GAL: variants seen among roughly 807,000 people sequenced by gnomAD.
GAL encodes the protein galanin and GMAP prepropeptide.
GAL carries 14 observed loss-of-function variants against 15.8 expected under a neutral mutation model. The observed-to-expected ratio is 0.89, with a 90% CI of 0.59 to 1.39. The LOEUF is 1.39. Among genes scored for constraint, GAL ranks in the 40% most tolerant of loss-of-function variants. The pLI, the probability that GAL is intolerant of heterozygous loss-of-function variation, is 0.00. For missense variants in GAL, 176 were observed against 170.4 expected, an observed-to-expected ratio of 1.03 and a Z score of -0.18; for synonymous variants, 79 against 73.8, an observed-to-expected ratio of 1.07 and a Z score of -0.36.
chr11:68,688,989 T>A, intron 5 of GAL, 63 bp downstream of exon 5: 1 of 806,390 alleles, frequency 1.2e-6, no homozygotes. Context: ...AAAAGGCCCA[T>A]CGAGAAGAGA....
chr11:68,687,479 C>T (rs745635855), intron 3 of GAL, among the ~76,000 whole-genome samples: 32 of 152,162 alleles, frequency 2.1e-4, no homozygotes, highest in Admixed American at 4.6e-4. Context: ...CTGTCTCCCT[C>T]TGTGACCCTC....
intron 2 of GAL, 89 bp downstream of exon 2, chr11:68,685,093 T>G: frequency 1.2e-6 from 1 of 855,782 alleles, no homozygotes; most frequent in Non-Finnish European, 1.9e-6. Context: ...GCCTCCGCCC[T>G]GCCCGCGGGG....
At chr11:68,688,232 G>A in intron 4 of GAL, 132 bp downstream of exon 4, 2 of 654,364 alleles carry the variant, frequency 3.1e-6, no homozygotes, top group East Asian at 5.3e-5. Context: ...TGACTAAGAC[G>A]ATGTGGCCTC....
intron 5 of GAL, among the ~76,000 whole-genome samples, chr11:68,690,274 T>C (rs1945893065): frequency 6.6e-6 from 1 of 152,218 alleles, no homozygotes; most frequent in South Asian, 2.1e-4. Context: ...CGTTAGCCTC[T>C]CCAGTGGAGA....
chr11:68,688,396 A>T (rs572078606), intron 4 of GAL, among the ~76,000 whole-genome samples: 2 of 152,356 alleles, frequency 1.3e-5, no homozygotes, highest in African/African-American at 4.8e-5. Flanking sequence ...TGGGAGGCTG[A>T]TGCGGGTGGA....
chr11:68,690,630 G>A (rs1443276789), intron 5 of GAL, among the ~76,000 whole-genome samples: 1 of 152,154 alleles, frequency 6.6e-6, no homozygotes, highest in Non-Finnish European at 1.5e-5. Context: ...TTTGTAACAT[G>A]GAAACTCTTT....
chr11:68,686,002 C>T (rs1036272496), intron 3 of GAL, among the ~76,000 whole-genome samples: 16 of 152,156 alleles, frequency 1.1e-4, no homozygotes, highest in South Asian at 2.1e-4. Flanking sequence ...CCTAGGTCAG[C>T]GGACCCCAAA....
At chr11:68,689,530 G>A (rs1040335196) in intron 5 of GAL, among the ~76,000 whole-genome samples, 103 of 152,028 alleles carry the variant, frequency 6.8e-4, no homozygotes, top group Non-Finnish European at 1.4e-3. Flanking sequence ...CCAGGTAGCT[G>A]GGAAAACAGG....
Position 68,684,633 on chromosome 11 carries a change from A to C in GAL, c.-100A>C. The C allele has an allele frequency of 3.4e-6, 1 of 297,846 alleles. No homozygotes were observed. The allele number at this position is 297,846 out of a possible 1,614,324, so 18.5% of individuals were successfully genotyped here. A position where few individuals can be genotyped will look rare whatever the true frequency, so the allele number is the denominator to read the frequency against. On this transcript the variant is annotated 5_prime_UTR_variant, in exon 1 of 6. Transcript: ENST00000265643. ...CATGCGGTGAGCGCCCCAGGCCGCC[A>C]GAGCCCACCCGACCCGGCCCGACGC...
At chr11:68,689,721 G>A (rs1359656203) in intron 5 of GAL, among the ~76,000 whole-genome samples, 40 of 152,150 alleles carry the variant, frequency 2.6e-4, no homozygotes, top group Admixed American at 2.6e-3. Flanking sequence ...CTAAGCATGG[G>A]AAATTAATAG....
At chr11:68,687,955 G>A in intron 3 of GAL, 59 bp from the exon 4 acceptor site, 2 of 1,049,424 alleles carry the variant, frequency 1.9e-6, no homozygotes, top group East Asian at 2.4e-5. Flanking sequence ...TTCTTTGGGT[G>A]TGGGGAGGGC....
Position 68,690,935 on chromosome 11 carries a change from G to A in GAL, c.320G>A (p.Arg107His), listed in dbSNP as rs530498888. ...LHLKEAGALDRLLDLPAAASS... is the reference protein window; with the variant it reads ...LHLKEAGALDHLLDLPAAASS... ...TTTGCAGAGGCCGGTGCCCTCGACCGCCTCCTGGATCTCCCCGCCGCAGCC... is the reference window on the plus strand; with the variant it reads ...TTTGCAGAGGCCGGTGCCCTCGACCACCTCCTGGATCTCCCCGCCGCAGCC... The change falls in exon 6 of 6, where the codon CGC (arginine) becomes CAC (histidine). Residue 107 changes from arginine to histidine, a missense_variant. Coordinates refer to ENST00000265643, the MANE Select transcript of GAL (RefSeq NM_015973.5). 1.2e-5 allele frequency: 20 copies of A among 1,612,616 alleles called. No homozygotes were observed. Among genetic ancestry groups the A allele is most frequent in the East Asian group, 1.1e-4 (5 of 44,876 alleles).
intron 3 of GAL, 99 bp downstream of exon 3, chr11:68,685,747 C>T (rs1387090733): frequency 2.5e-6 from 2 of 788,652 alleles, no homozygotes; most frequent in Non-Finnish European, 4.5e-6. Flanking sequence ...GGCAGACCCT[C>T]TGGCCTCCCT....
At chr11:68,687,508 T>C (rs1289352353) in intron 3 of GAL, among the ~76,000 whole-genome samples, 1 of 151,900 alleles carries the variant, frequency 6.6e-6, no homozygotes, top group Non-Finnish European at 1.5e-5. Flanking sequence ...TCTGTCTCTC[T>C]CCTTCTCTCT....
At chr11:68,687,862 T>C (rs1483130254) in intron 3 of GAL, 152 bp from the exon 4 acceptor site, 1 of 612,684 alleles carries the variant, frequency 1.6e-6, no homozygotes, top group Non-Finnish European at 3.0e-6. Flanking sequence ...GGAGAATCGC[T>C]CCCTCTGCTC....
At chr11:68,685,533 A>G in intron 2 of GAL, 61 bp from the exon 3 acceptor site, 1 of 1,150,712 alleles carries the variant, frequency 8.7e-7, no homozygotes, top group Non-Finnish European at 1.3e-6. Flanking sequence ...GCCTGGGTGC[A>G]CCCATTCAGC....
At chr11:68,689,864 C>T (rs1020519111) in intron 5 of GAL, among the ~76,000 whole-genome samples, 1 of 152,214 alleles carries the variant, frequency 6.6e-6, no homozygotes, top group African/African-American at 2.4e-5. Flanking sequence ...AGGAGACCTC[C>T]GCACACTACG....
rs970706455 is a variant in GAL, at chr11:68,691,040, G to C, written c.*53G>C. ...GCTGTAACCTGAAGTCAAACCTTAAGATAATGGATAATCTTCGGCCAATTT... is the reference window on the plus strand; with the variant it reads ...GCTGTAACCTGAAGTCAAACCTTAACATAATGGATAATCTTCGGCCAATTT... On this transcript the variant is annotated 3_prime_UTR_variant, in exon 6 of 6. Transcript: ENST00000265643. The C allele has an allele frequency of 4.1e-5, 45 of 1,098,478 alleles. 1 individual carries two copies. Among genetic ancestry groups the C allele is most frequent in the Non-Finnish European group, 6.3e-5 (45 of 710,846 alleles). The allele number at this position is 1,098,478 out of a possible 1,614,324, so 68.0% of individuals were successfully genotyped here. A position where few individuals can be genotyped will look rare whatever the true frequency, so the allele number is the denominator to read the frequency against.
intron 3 of GAL, 46 bp downstream of exon 3, chr11:68,685,694 C>T (rs1204700050): frequency 7.0e-7 from 1 of 1,428,800 alleles, no homozygotes; most frequent in Admixed American, 1.7e-5. Flanking sequence ...CCCCACCTGC[C>T]CCTCGCTTTG....
Sources: allele counts gnomAD v4.1 joint callset (sites outside exome capture counted in the v4.1 genomes callset), GRCh38; gene constraint gnomAD v4.1.1; transcripts MANE v1.5; gene names NCBI Gene and HGNC (gene_info 2026-07-23, HGNC 2026-07-21).